Variants in RASSF3 observed in about 807,000 individuals in gnomAD.
The protein encoded by RASSF3 is ras association domain-containing protein 3.
In RASSF3, 19 loss-of-function variants were observed where a neutral mutation model predicts 19.9. The observed-to-expected ratio is 0.96, with a 90% CI of 0.67 to 1.40. The LOEUF (loss-of-function observed/expected upper bound fraction) is 1.40. Among genes scored for constraint, RASSF3 ranks in the 40% most tolerant of loss-of-function variants. The pLI, the probability that RASSF3 is intolerant of heterozygous loss-of-function variation, is 0.00. For synonymous variants in RASSF3, 110 were observed against 104.2 expected (o/e 1.06, Z -0.34); for missense variants, 306 against 289.8 (o/e 1.06, Z -0.41).
chr12:64,632,989 A>C (rs1357274669), intron 1 of RASSF3, among the ~76,000 whole-genome samples: 2 of 152,248 alleles, frequency 1.3e-5, no homozygotes, highest in Non-Finnish European at 2.9e-5. Flanking sequence ...GCTCAAAATT[A>C]GCACATCTAG....
At chr12:64,665,743 CT>C (rs1872523356) in intron 1 of RASSF3, among the ~76,000 whole-genome samples, 1 of 152,222 alleles carries the variant, frequency 6.6e-6, no homozygotes, top group African/African-American at 2.4e-5. Context: ...TGCCCTTGAG[CT>C]GCTGTTATGG....
intron 1 of RASSF3, among the ~76,000 whole-genome samples, chr12:64,681,391 G>A (rs1873120804): frequency 6.6e-6 from 1 of 152,176 alleles, no homozygotes; most frequent in Non-Finnish European, 1.5e-5. Context: ...CTAGTTCCTT[G>A]TTTGGTAGAG....
chr12:64,603,506 GA>G lies in RASSF3; in HGVS notation c.294+61805del, dbSNP rs374222568. On this transcript the variant is annotated intron_variant, in intron 2 of 5. Coordinates refer to the RASSF3 transcript ENST00000637125. Reference sequence around the variant, plus strand: ...TGTTGGATGGACAAATCTAGTGATGGAAAAGCCATTTGCTTTTCTCCCCCAC... The same window carrying G: ...TGTTGGATGGACAAATCTAGTGATGGAAAGCCATTTGCTTTTCTCCCCCAC... Among the ~76,000 whole-genome samples, 639 of 152,240 alleles carry G rather than the reference GA, an allele frequency of 4.2e-3. 1 individual carries two copies. The highest frequency in any genetic ancestry group is 0.015 in the African/African-American group (613 of 41,536).
At chr12:64,535,709 C>T (rs557554166) in intron 1 of RASSF3, among the ~76,000 whole-genome samples, 49 of 135,238 alleles carry the variant, frequency 3.6e-4, no homozygotes, top group Non-Finnish European at 4.9e-4. Flanking sequence ...TTTTTTTAGA[C>T]GGAGTTTTGC....
intron 2 of RASSF3, among the ~76,000 whole-genome samples, chr12:64,566,626 G>C (rs998359765): frequency 5.3e-5 from 8 of 152,068 alleles, no homozygotes; most frequent in African/African-American, 1.9e-4. Context: ...TCCTAAAATG[G>C]CAACACTGAG....
At chr12:64,691,222 T>G (rs1592475062) in intron 3 of RASSF3, among the ~76,000 whole-genome samples, 2 of 152,336 alleles carry the variant, frequency 1.3e-5, no homozygotes, top group East Asian at 3.9e-4. Context: ...GGGACTAATA[T>G]CTATTAAAAT....
intron 2 of RASSF3, among the ~76,000 whole-genome samples, chr12:64,686,774 C>T (rs539690564): frequency 7.2e-4 from 109 of 151,920 alleles, no homozygotes; most frequent in African/African-American, 2.5e-3. Flanking sequence ...CTGCAGTGAG[C>T]TGTGTTCGTG....
chr12:64,543,421 G>GCCCGCCCTCCCCCCCC, downstream of RASSF3, among the ~76,000 whole-genome samples: 2 of 55,902 alleles, frequency 3.6e-5, no homozygotes, highest in East Asian at 2.2e-3. Flanking sequence ...CCCGCCCCCC[G>GCCCGCCCTCCCCCCCC]GCTCCCCGCC....
Position 64,684,831 on chromosome 12 carries a change from G to C in RASSF3, c.156G>C (p.Glu52Asp), listed in dbSNP as rs574359875. Residue 52 changes from glutamate to aspartate, a missense_variant, in exon 2 of 5, where the codon GAG becomes GAC. By Grantham distance (45) the Glu-to-Asp change is conservative (BLOSUM62 2). Transcript: ENST00000542104. Reference sequence around the variant, plus strand: ...AAACCCACAGTTACCTCAGCAAAGAGGAGATCAAAGAGAAAGTTCATAAAT... The same window carrying C: ...AAACCCACAGTTACCTCAGCAAAGACGAGATCAAAGAGAAAGTTCATAAAT... ...EKETHSYLSK[E>D]EIKEKVHKYN... The C allele has an allele frequency of 6.2e-6, 10 of 1,613,666 alleles. No homozygotes were observed. In the East Asian group the frequency reaches 2.2e-4, roughly 36 times the overall value.
chr12:64,566,790 C>T (rs959813809), intron 2 of RASSF3, among the ~76,000 whole-genome samples: 2 of 152,160 alleles, frequency 1.3e-5, no homozygotes, highest in African/African-American at 2.4e-5. Flanking sequence ...CACCATTCTA[C>T]ACAAATGGAA....
At chr12:64,691,626 C>T in intron 4 of RASSF3, 47 bp downstream of exon 4, 1 of 1,004,930 alleles carries the variant, frequency 1.0e-6, no homozygotes, top group Non-Finnish European at 1.4e-6. Flanking sequence ...AACAGCTGGC[C>T]CTATTTTATT....
At chr12:64,690,714 G>A (rs113365990) in intron 3 of RASSF3, among the ~76,000 whole-genome samples, 2,248 of 151,676 alleles carry the variant, frequency 0.015, 31 homozygotes, top group Non-Finnish European at 0.023. Flanking sequence ...TCGAACTCCA[G>A]GCCTCAAGTG....
upstream of RASSF3, among the ~76,000 whole-genome samples, chr12:64,606,500 T>TC (rs1369589662): frequency 2.0e-5 from 3 of 152,294 alleles, no homozygotes; most frequent in South Asian, 2.1e-4. Flanking sequence ...GACATTGTCA[T>TC]CCCCATTTTG....
intron 1 of RASSF3, among the ~76,000 whole-genome samples, chr12:64,525,944 T>G (rs896713703): frequency 3.3e-5 from 5 of 151,836 alleles, no homozygotes; most frequent in African/African-American, 1.2e-4. Flanking sequence ...CAAGTGGGAG[T>G]GACAAGCCAG....
chr12:64,615,215 C>T (rs1870510295), intron 1 of RASSF3, among the ~76,000 whole-genome samples: 2 of 152,176 alleles, frequency 1.3e-5, no homozygotes, highest in Non-Finnish European at 2.9e-5. Flanking sequence ...AGGACACATT[C>T]AGATTTCCAA....
intron 2 of RASSF3, among the ~76,000 whole-genome samples, chr12:64,577,731 CA>C: frequency 6.6e-6 from 1 of 152,100 alleles, no homozygotes; most frequent in Non-Finnish European, 1.5e-5. Context: ...GACTCTGTCT[CA>C]AAACAAAATC....
intron 1 of RASSF3, among the ~76,000 whole-genome samples, chr12:64,508,616 G>A (rs1479894114): frequency 2.0e-5 from 3 of 151,910 alleles, no homozygotes; most frequent in African/African-American, 7.3e-5. Flanking sequence ...CGGGCGCGGC[G>A]GCTCATGCCT....
intron 1 of RASSF3, among the ~76,000 whole-genome samples, chr12:64,677,810 C>T (rs986307326): frequency 6.6e-6 from 1 of 152,218 alleles, no homozygotes. Context: ...ACCTAAAAGA[C>T]TTCTGAGAAC....
intron 1 of RASSF3, among the ~76,000 whole-genome samples, chr12:64,659,996 ATGTG>A: frequency 7.3e-6 from 1 of 136,084 alleles, no homozygotes; most frequent in Admixed American, 7.3e-5. Context: ...GTATGTGTAT[ATGTG>A]TGCGTGTATA....
Sources: gnomAD v4.1 joint callset for allele counts (sites outside exome capture counted in the v4.1 genomes callset) on GRCh38, gnomAD v4.1.1 for gene constraint, MANE v1.5 for transcripts, NCBI Gene and HGNC (gene_info 2026-07-23, HGNC 2026-07-21) for gene names.